XYLT1: variants seen among roughly 807,000 people sequenced by gnomAD.
The protein encoded by XYLT1 is xylosyltransferase 1, also known as beta-D-xylosyltransferase 1.
In XYLT1, 36 loss-of-function variants were observed where a neutral mutation model predicts 91.3. The observed-to-expected ratio is 0.39, with a 90% CI of 0.30 to 0.52. XYLT1 has a LOEUF of 0.52. Ranked by LOEUF, XYLT1 falls within the 20% of genes least tolerant of loss-of-function variation. The probability of loss-of-function intolerance (pLI) is 0.68; values close to 1 mark genes in which losing one functional copy is unlikely to be tolerated. For synonymous variants in XYLT1, 588 were observed against 532.0 expected (o/e 1.11, Z -1.45); for missense variants, 1,242 against 1,284.5 (o/e 0.97, Z 0.51).
intron 1 of XYLT1, among the ~76,000 whole-genome samples, chr16:17,399,438 TC>T (rs1324349622): frequency 1.3e-5 from 2 of 152,030 alleles, no homozygotes; most frequent in African/African-American, 4.8e-5. Context: ...GAAGCCCTGC[TC>T]CCTCCTCATT....
At chr16:17,469,065 C>G (rs921440515) in intron 1 of XYLT1, among the ~76,000 whole-genome samples, 1 of 152,214 alleles carries the variant, frequency 6.6e-6, no homozygotes, top group Non-Finnish European at 1.5e-5. Context: ...AGACTTCTCC[C>G]TGCTACCCAC....
At chr16:17,249,265 A>G (rs568615201) in intron 3 of XYLT1, among the ~76,000 whole-genome samples, 2 of 152,266 alleles carry the variant, frequency 1.3e-5, no homozygotes, top group South Asian at 4.2e-4. Context: ...CCACCTCCAC[A>G]GAGATTCTAG....
chr16:17,165,768 C>T (rs1233525263), intron 5 of XYLT1, among the ~76,000 whole-genome samples: 1 of 151,758 alleles, frequency 6.6e-6, no homozygotes, highest in Admixed American at 6.6e-5. Context: ...CCATTTTCTC[C>T]CCCTTACAAC....
intron 11 of XYLT1, among the ~76,000 whole-genome samples, chr16:17,110,727 A>G (rs1208683600): frequency 6.6e-6 from 1 of 152,182 alleles, no homozygotes; most frequent in Admixed American, 6.5e-5. Context: ...CAGATGGGGA[A>G]AGAGAGGCAG....
chr16:17,291,752 T>A (rs1375484854), intron 2 of XYLT1, among the ~76,000 whole-genome samples: 2 of 152,232 alleles, frequency 1.3e-5, no homozygotes, highest in Non-Finnish European at 2.9e-5. Context: ...AATAGCTATT[T>A]ATTCCTGCTG....
At chr16:17,118,193 C>CT (rs1442391378) in intron 10 of XYLT1, among the ~76,000 whole-genome samples, 1 of 152,098 alleles carries the variant, frequency 6.6e-6, no homozygotes, top group Non-Finnish European at 1.5e-5. Flanking sequence ...GCCTGTGGTC[C>CT]TTTTATTAAA....
intron 1 of XYLT1, among the ~76,000 whole-genome samples, chr16:17,455,407 A>T (rs1596555171): frequency 6.6e-6 from 1 of 152,108 alleles, no homozygotes; most frequent in South Asian, 2.1e-4. Flanking sequence ...ATTAGTTATG[A>T]CTTCTTCATG....
chr16:17,441,086 G>A (rs1490836879), intron 1 of XYLT1, among the ~76,000 whole-genome samples: 2 of 151,746 alleles, frequency 1.3e-5, no homozygotes, highest in Non-Finnish European at 2.9e-5. Flanking sequence ...ATTTTTTTGA[G>A]ATGTATTCTT....
At chr16:17,164,057 A>AAG (rs2031620435) in intron 5 of XYLT1, among the ~76,000 whole-genome samples, 1 of 148,872 alleles carries the variant, frequency 6.7e-6, no homozygotes, top group Non-Finnish European at 1.5e-5. Context: ...AAAAAAAAAA[A>AAG]AAAAAAAAAA....
chr16:17,149,500 C>G (rs1486854838), intron 6 of XYLT1, among the ~76,000 whole-genome samples: 2 of 152,120 alleles, frequency 1.3e-5, no homozygotes, highest in African/African-American at 4.8e-5. Context: ...GTCATTGAAT[C>G]TAGATTACTC....
intron 1 of XYLT1, among the ~76,000 whole-genome samples, chr16:17,407,244 C>G (rs539664252): frequency 2.0e-5 from 3 of 152,268 alleles, no homozygotes; most frequent in African/African-American, 7.2e-5. Context: ...GGTGATCTGC[C>G]TGCCTCGGCC....
chr16:17,395,710 C>T (rs906230186), intron 1 of XYLT1, among the ~76,000 whole-genome samples: 1 of 152,204 alleles, frequency 6.6e-6, no homozygotes, highest in Non-Finnish European at 1.5e-5. Flanking sequence ...ACCAGGAGAT[C>T]ATTCACAATA....
Position 17,458,669 on chromosome 16 carries a change from T to C in XYLT1, c.363+11765A>G, listed in dbSNP as rs9921751. ...TGACATTGACCAAACCTTGGCCATC[T>C]CAGCACTTCCTTGATCGTCATTAAC... On this transcript the variant is annotated intron_variant, in intron 1 of 11. Transcript: ENST00000261381. Among the ~76,000 whole-genome samples, 1,006 of 152,292 alleles carry C rather than the reference T, an allele frequency of 6.6e-3. 13 individuals are homozygous for C. Among genetic ancestry groups the C allele is most frequent in the African/African-American group, 0.022 (911 of 41,572 alleles).
intron 5 of XYLT1, among the ~76,000 whole-genome samples, chr16:17,187,566 C>CAA (rs57130941): frequency 0.21 from 12,089 of 57,114 alleles, 1,947 homozygotes; most frequent in African/African-American, 0.34. Flanking sequence ...AACGCTGTCT[C>CAA]AAAAAAAAAA....
At chr16:17,379,763 T>TCTCTCTCACACACACA (rs373354877) in intron 1 of XYLT1, among the ~76,000 whole-genome samples, 2 of 125,546 alleles carry the variant, frequency 1.6e-5, no homozygotes, top group African/African-American at 6.3e-5. Flanking sequence ...TCTCTCTCTC[T>TCTCTCTCACACACACA]CACACACACA....
intron 3 of XYLT1, among the ~76,000 whole-genome samples, chr16:17,230,680 C>T (rs1019814175): frequency 6.6e-6 from 1 of 152,180 alleles, no homozygotes; most frequent in Non-Finnish European, 1.5e-5. Context: ...CCAAGGTCAT[C>T]TGAGCACCTT....
chr16:17,142,485 G>A (rs2031010080), intron 6 of XYLT1, among the ~76,000 whole-genome samples: 1 of 147,952 alleles, frequency 6.8e-6, no homozygotes, highest in Admixed American at 6.8e-5. Flanking sequence ...TCAGGCTGGA[G>A]TGCAGTGGCA....
chr16:17,462,738 C>T (rs2141961164), intron 1 of XYLT1, among the ~76,000 whole-genome samples: 1 of 152,316 alleles, frequency 6.6e-6, no homozygotes, highest in South Asian at 2.1e-4. Context: ...ACAATATCCT[C>T]TTGCCCCCTC....
chr16:17,456,690 T>C (rs1169396160), intron 1 of XYLT1, among the ~76,000 whole-genome samples: 3 of 151,852 alleles, frequency 2.0e-5, no homozygotes, highest in Non-Finnish European at 4.4e-5. Context: ...CTAATGGGAG[T>C]TGTTACATCT....
Sources: gnomAD v4.1 joint callset for allele counts (sites outside exome capture counted in the v4.1 genomes callset) on GRCh38, gnomAD v4.1.1 for gene constraint, MANE v1.5 for transcripts, NCBI Gene and HGNC (gene_info 2026-07-23, HGNC 2026-07-21) for gene names.